Variants in TBC1D8B observed in about 807,000 individuals in gnomAD.
TBC1D8B encodes TBC1 domain family member 8B.
TBC1D8B carries 75 observed loss-of-function variants against 82.9 expected under a neutral mutation model. That is an observed-to-expected ratio of 0.90 (90% CI 0.75 to 1.10). The LOEUF is 1.10. Ranked by LOEUF, TBC1D8B falls within the 50% of genes least tolerant of loss-of-function variation. TBC1D8B has a pLI of 0.00. For missense variants in TBC1D8B, 794 were observed against 796.9 expected (o/e 1.00, Z 0.04); for synonymous variants, 276 against 276.8 (o/e 1.00, Z 0.03).
intron 7 of TBC1D8B, among the ~76,000 whole-genome samples, chrX:106,832,094 T>C (rs1932062094): frequency 9.0e-6 from 1 of 111,493 alleles, no homozygotes; most frequent in Non-Finnish European, 1.9e-5. Context: ...ATAATTTTAA[T>C]AAACCTGGTG....
At chrX:106,849,389 C>G in intron 11 of TBC1D8B, 1 of 1,091,720 alleles carries the variant, frequency 9.2e-7, no homozygotes, top group Non-Finnish European at 1.2e-6. Context: ...ATTCTCCCAT[C>G]AAGGAGGAAA....
At chrX:106,803,333 C>A (rs182573922) in intron 1 of TBC1D8B, among the ~76,000 whole-genome samples, 31 of 111,505 alleles carry the variant, frequency 2.8e-4, no homozygotes, top group African/African-American at 9.8e-4. Context: ...GGGGCCAGTT[C>A]GCAGTTGTGA....
In TBC1D8B at chrX:106,818,533, A is replaced by C. The variant is rs1228829888; in HGVS notation, c.131-130A>C. On this transcript the variant is annotated intron_variant, in intron 1 of 20. Transcript: ENST00000357242. ...TCCCAAATGTATTTTTTCTTTAAGA[A>C]AAATCTCTGTAAGGACTCTATGGGC... 7.8e-6 allele frequency: 3 copies of C among 383,662 alleles called. No individual in the cohort carries two copies. In the East Asian group the frequency reaches 1.3e-4, roughly 17 times the overall value. 31.6% of individuals were successfully genotyped at this position (383,662 alleles called of 1,213,427 possible). A position where few individuals can be genotyped will look rare whatever the true frequency, so the allele number is the denominator to read the frequency against.
intron 19 of TBC1D8B, among the ~76,000 whole-genome samples, chrX:106,870,074 A>G (rs188127685): frequency 9.0e-6 from 1 of 111,169 alleles, no homozygotes; most frequent in African/African-American, 3.2e-5. Context: ...TCTGTCGCCC[A>G]GGCTGGAGTG....
chrX:106,807,440 AGT>A (rs772686110), intron 1 of TBC1D8B, among the ~76,000 whole-genome samples: 1 of 104,661 alleles, frequency 9.6e-6, no homozygotes, highest in Non-Finnish European at 1.9e-5. Flanking sequence ...AAGGATGATC[AGT>A]GTTACCCTCA....
At chrX:106,823,508 CCATAAGAATGAAGATAGTAT>C in intron 5 of TBC1D8B, 42 bp downstream of exon 5, 1 of 1,170,029 alleles carries the variant, frequency 8.5e-7, no homozygotes, top group East Asian at 3.0e-5. Context: ...TATTGTTTGA[CCATAAGAATGAAGATAGTAT>C]TGCTTACCAT....
intron 10 of TBC1D8B, among the ~76,000 whole-genome samples, chrX:106,841,659 CA>C (rs1932310899): frequency 9.0e-6 from 1 of 111,539 alleles, no homozygotes; most frequent in Admixed American, 9.6e-5. Flanking sequence ...ATAGATGAAA[CA>C]GTATAATTTT....
intron 1 of TBC1D8B, 131 bp downstream of exon 1, chrX:106,803,114 C>A: frequency 1.3e-6 from 1 of 746,197 alleles, no homozygotes. Flanking sequence ...GGGTTCTTCT[C>A]CCGACACCAC....
intron 9 of TBC1D8B, 26 bp from the exon 10 acceptor site, chrX:106,840,644 G>A (rs1932281848): frequency 3.5e-6 from 4 of 1,147,208 alleles, no homozygotes; most frequent in Non-Finnish European, 4.8e-6. Context: ...ACCTTCTGTT[G>A]TATGTTAATG....
chrX:106,853,948 T>G (rs753020068), intron 13 of TBC1D8B, among the ~76,000 whole-genome samples: 1 of 111,985 alleles, frequency 8.9e-6, no homozygotes, highest in African/African-American at 3.2e-5. Context: ...ATTCACTTCT[T>G]AGAGATTAAG....
At position 106,866,862 on chromosome X, in the gene TBC1D8B, G is replaced by A; in HGVS notation, c.2728G>A (p.Ala910Thr). The change falls in exon 17 of 21, where the codon GCT becomes ACT. Residue 910 changes from alanine to threonine, a missense_variant and splice_region_variant. Ala to Thr is a moderately conservative substitution (Grantham distance 58). Coordinates refer to ENST00000357242, the MANE Select transcript of TBC1D8B (RefSeq NM_017752.3). ...KLLFKLHIPPAYTEVKSKDAS... is the reference protein window; with the variant it reads ...KLLFKLHIPPTYTEVKSKDAS... ...GCTTTTTAAGCTACATATTCCTCCA[G>A]GTAAGAGTTTACCAGTCTTTAACGA... The A allele has an allele frequency of 8.6e-7, 1 of 1,165,161 alleles. No homozygotes were observed. Among genetic ancestry groups the A allele is most frequent in the East Asian group, 3.1e-5 (1 of 32,528 alleles).
intron 13 of TBC1D8B, 61 bp from the exon 14 acceptor site, chrX:106,854,137 G>A: frequency 1.2e-6 from 1 of 816,665 alleles, no homozygotes; most frequent in South Asian, 3.4e-5. Flanking sequence ...AAACTGAATT[G>A]TAAAAGAAAA....
intron 7 of TBC1D8B, among the ~76,000 whole-genome samples, chrX:106,835,893 G>A (rs774253811): frequency 8.9e-6 from 1 of 111,780 alleles, no homozygotes; most frequent in South Asian, 3.8e-4. Flanking sequence ...TTTGGTCAAA[G>A]CCATTCAACA....
intron 7 of TBC1D8B, chrX:106,829,638 C>T (rs374037778): frequency 1.4e-4 from 14 of 102,771 alleles, no homozygotes; most frequent in Middle Eastern, 4.8e-3. Context: ...GAAATAATGC[C>T]GCATACCTAC....
chrX:106,829,509 A>G (rs1284452173), intron 7 of TBC1D8B: 1 of 110,879 alleles, frequency 9.0e-6, no homozygotes, highest in East Asian at 2.8e-4. Flanking sequence ...CAAAAGAACA[A>G]AGCTGGAGGC....
intron 1 of TBC1D8B, among the ~76,000 whole-genome samples, chrX:106,816,507 T>C (rs1441843958): frequency 9.0e-6 from 1 of 111,193 alleles, no homozygotes; most frequent in Non-Finnish European, 1.9e-5. Context: ...TCCTCATTAG[T>C]TGAAATATAA....
chrX:106,814,456 T>C (rs1286910430), intron 1 of TBC1D8B: 1 of 107,259 alleles, frequency 9.3e-6, no homozygotes, highest in Non-Finnish European at 1.9e-5. Context: ...TGTTGGACAT[T>C]TGGCTTGGTT....
intron 14 of TBC1D8B, among the ~76,000 whole-genome samples, chrX:106,864,146 G>T (rs1015941138): frequency 3.6e-5 from 4 of 111,502 alleles, no homozygotes; most frequent in African/African-American, 1.3e-4. Flanking sequence ...TCTGCAAACC[G>T]TCTGGGTGGC....
chrX:106,845,546 G>A (rs903452161), intron 10 of TBC1D8B, among the ~76,000 whole-genome samples: 3 of 102,460 alleles, frequency 2.9e-5, no homozygotes, highest in African/African-American at 3.6e-5. Context: ...GAGAATATGC[G>A]GTGTTTGGTT....
Sources: gnomAD v4.1 joint callset for allele counts (sites outside exome capture counted in the v4.1 genomes callset) on GRCh38, gnomAD v4.1.1 for gene constraint, MANE v1.5 for transcripts, NCBI Gene and HGNC (gene_info 2026-07-23, HGNC 2026-07-21) for gene names.